R3HCC1L: variants seen among roughly 807,000 people sequenced by gnomAD.
The protein encoded by R3HCC1L is coiled-coil domain-containing protein R3HCC1L.
A neutral mutation model predicts 59.9 loss-of-function variants in R3HCC1L; 51 were observed. That is an observed-to-expected ratio of 0.85 (90% CI 0.68 to 1.07). The LOEUF is 1.07. Among genes scored for constraint, R3HCC1L ranks in the 50% least tolerant of loss-of-function variants. R3HCC1L has a pLI of 0.00. For synonymous variants in R3HCC1L, 322 were observed against 315.2 expected (o/e 1.02, Z -0.23); for missense variants, 965 against 933.0 (o/e 1.03, Z -0.45).
intron 4 of R3HCC1L, among the ~76,000 whole-genome samples, chr10:98,183,958 G>GTTTTTTTTTTTTTTTTTTTTTTT (rs71007380): frequency 2.8e-4 from 35 of 126,560 alleles, no homozygotes; most frequent in African/African-American, 1.0e-3. Flanking sequence ...TCCTTTTTCG[G>GTTTTTTTTTTTTTTTTTTTTTTT]TTTTTTTTTT....
chr10:98,241,593 G>A (rs1170886166), intron 9 of R3HCC1L, among the ~76,000 whole-genome samples: 1 of 152,066 alleles, frequency 6.6e-6, no homozygotes, highest in African/African-American at 2.4e-5. Context: ...TTTAATTGTT[G>A]GAGGTCAAGT....
intron 6 of R3HCC1L, among the ~76,000 whole-genome samples, chr10:98,234,112 C>T (rs990554293): frequency 9.9e-5 from 15 of 152,160 alleles, no homozygotes; most frequent in Non-Finnish European, 1.9e-4. Context: ...CTTTCCATTT[C>T]TTCTCATTCC....
intron 4 of R3HCC1L, among the ~76,000 whole-genome samples, chr10:98,207,613 T>C (rs1175195890): frequency 6.6e-6 from 1 of 152,176 alleles, no homozygotes; most frequent in Admixed American, 6.5e-5. Context: ...CATTCTCTGA[T>C]AAGTCATTTC....
chr10:98,241,766 A>G (rs888604068), intron 9 of R3HCC1L, among the ~76,000 whole-genome samples: 2 of 152,068 alleles, frequency 1.3e-5, no homozygotes, highest in Admixed American at 6.5e-5. Context: ...TGTGCTGGTG[A>G]AGAATTAAGG....
At chr10:98,194,190 A>G (rs1851169717) in intron 4 of R3HCC1L, among the ~76,000 whole-genome samples, 1 of 151,950 alleles carries the variant, frequency 6.6e-6, no homozygotes, top group Non-Finnish European at 1.5e-5. Flanking sequence ...CGTATAGTCA[A>G]ATGATCTTTG....
At chr10:98,229,423 A>C (rs1856086179) in intron 5 of R3HCC1L, among the ~76,000 whole-genome samples, 1 of 152,160 alleles carries the variant, frequency 6.6e-6, no homozygotes, top group Non-Finnish European at 1.5e-5. Context: ...ATTTTTGCAC[A>C]TTGATTTTGT....
At chr10:98,185,115 C>G (rs1590614545) in intron 4 of R3HCC1L, among the ~76,000 whole-genome samples, 1 of 152,248 alleles carries the variant, frequency 6.6e-6, no homozygotes, top group South Asian at 2.1e-4. Context: ...AGTCCCATTT[C>G]TTTATTGAGG....
chr10:98,243,985 A>G lies in R3HCC1L; in HGVS notation c.2270-106A>G, dbSNP rs1590867333. The G allele has an allele frequency of 3.4e-6, 3 of 883,598 alleles. No homozygotes were observed. In the East Asian group the frequency reaches 7.7e-5, roughly 23 times the overall value. The allele number at this position is 883,598 out of a possible 1,614,324, so 54.7% of individuals were successfully genotyped here. Reference sequence around the variant, plus strand: ...TTGTTATCAGGTAAGAGAGACCAGGATATCCACTTGTCTCATGACTAAAGT... The same window carrying G: ...TTGTTATCAGGTAAGAGAGACCAGGGTATCCACTTGTCTCATGACTAAAGT... On this transcript the variant is annotated intron_variant, in intron 9 of 9. Coordinates refer to ENST00000298999, the MANE Select transcript of R3HCC1L (RefSeq NM_001351015.2).
At chr10:98,217,310 G>A (rs1023655261) in intron 5 of R3HCC1L, among the ~76,000 whole-genome samples, 3 of 152,032 alleles carry the variant, frequency 2.0e-5, no homozygotes, top group East Asian at 3.9e-4. Context: ...TGCCTTTGTC[G>A]AAAATCAGTT....
chr10:98,228,805 C>T (rs190360569), intron 5 of R3HCC1L, among the ~76,000 whole-genome samples: 4,972 of 152,140 alleles, frequency 0.033, 111 homozygotes, highest in Non-Finnish European at 0.053. Flanking sequence ...TACATATGGC[C>T]AGCCAGTTTT....
At chr10:98,159,639 T>G (rs1847206319) in intron 2 of R3HCC1L, among the ~76,000 whole-genome samples, 1 of 152,220 alleles carries the variant, frequency 6.6e-6, no homozygotes, top group South Asian at 2.1e-4. Context: ...TCTAATTCCA[T>G]TATTCCTTCT....
intron 5 of R3HCC1L, among the ~76,000 whole-genome samples, chr10:98,215,790 T>C (rs1470106099): frequency 6.6e-6 from 1 of 152,174 alleles, no homozygotes; most frequent in Non-Finnish European, 1.5e-5. Flanking sequence ...TGCGTCCTAA[T>C]GTCAGTGTTG....
chr10:98,240,175 G>A (rs910718439), intron 9 of R3HCC1L, among the ~76,000 whole-genome samples: 9 of 152,192 alleles, frequency 5.9e-5, no homozygotes, highest in East Asian at 3.9e-4. Flanking sequence ...GCATGGTGGC[G>A]CGCACCTGTA....
intron 1 of R3HCC1L, among the ~76,000 whole-genome samples, chr10:98,137,556 A>G (rs1318863208): frequency 6.6e-6 from 1 of 152,260 alleles, no homozygotes; most frequent in Non-Finnish European, 1.5e-5. Context: ...ACTTTAAAAA[A>G]TACTGTAAAT....
chr10:98,174,870 C>A, intron 4 of R3HCC1L: 1 of 764,928 alleles, frequency 1.3e-6, no homozygotes, highest in Non-Finnish European at 1.6e-6. Context: ...TATTGATGTT[C>A]GTAATGTTAT....
chr10:98,135,066 G>C (rs1404899036), intron 1 of R3HCC1L, among the ~76,000 whole-genome samples: 1 of 152,218 alleles, frequency 6.6e-6, no homozygotes, highest in Non-Finnish European at 1.5e-5. Context: ...GGGCTGCGGG[G>C]CCGTGGGCCC....
chr10:98,166,326 A>G (rs1847943848), intron 4 of R3HCC1L, among the ~76,000 whole-genome samples: 1 of 152,204 alleles, frequency 6.6e-6, no homozygotes. Flanking sequence ...ACTTCTAGCT[A>G]TTAGAATTGT....
chr10:98,162,092 G>A (rs992059753), intron 2 of R3HCC1L, among the ~76,000 whole-genome samples: 2 of 151,790 alleles, frequency 1.3e-5, no homozygotes, highest in African/African-American at 4.8e-5. Context: ...TTAACTCCTC[G>A]ATAAATTCTC....
At chr10:98,161,393 G>A (rs1847402703) in intron 2 of R3HCC1L, among the ~76,000 whole-genome samples, 2 of 152,190 alleles carry the variant, frequency 1.3e-5, no homozygotes, top group South Asian at 4.1e-4. Flanking sequence ...GTTGTTAGGA[G>A]TTTTTAATAT....
Sources: gnomAD v4.1 joint callset for allele counts (sites outside exome capture counted in the v4.1 genomes callset) on GRCh38, gnomAD v4.1.1 for gene constraint, MANE v1.5 for transcripts, NCBI Gene and HGNC (gene_info 2026-07-23, HGNC 2026-07-21) for gene names.